Variants in LRP8 observed in about 807,000 individuals in gnomAD.
LRP8 encodes the protein LDL receptor related protein 8.
A neutral mutation model predicts 111.6 loss-of-function variants in LRP8; 46 were observed. That is an observed-to-expected ratio of 0.41 (90% CI 0.33 to 0.53). LRP8 has a LOEUF of 0.53. Among genes scored for constraint, LRP8 ranks in the 20% least tolerant of loss-of-function variants. LRP8 has a pLI of 0.20. For synonymous variants in LRP8, 464 were observed against 511.2 expected (o/e 0.91, Z 1.24); for missense variants, 959 against 1,297.4 (o/e 0.74, Z 4.01).
intron 2 of LRP8, among the ~76,000 whole-genome samples, chr1:53,315,111 CCTT>C (rs1435808323): frequency 6.6e-6 from 1 of 152,186 alleles, no homozygotes; most frequent in Non-Finnish European, 1.5e-5. Context: ...AATGTAATCT[CCTT>C]CTGCACCCCA....
At chr1:53,289,533 C>T in intron 3 of LRP8, 34 bp downstream of exon 3, 1 of 1,568,136 alleles carries the variant, frequency 6.4e-7, no homozygotes, top group Admixed American at 1.8e-5. Flanking sequence ...GAAACTGAGG[C>T]CCACCCCCAC....
chr1:53,267,624 A>C (rs1646622370), intron 8 of LRP8: 1 of 152,376 alleles, frequency 6.6e-6, no homozygotes, highest in Non-Finnish European at 1.5e-5. Flanking sequence ...GACATATATG[A>C]TATACAACAC....
rs776502596 is a variant in LRP8, at chr1:53,249,391, C to T, written c.2842G>A (p.Val948Ile). 19 of 1,613,722 alleles carry T rather than the reference C, an allele frequency of 1.2e-5. No homozygotes were observed. The highest frequency in any genetic ancestry group is 3.3e-5 in the Admixed American group (2 of 59,996). Residue 948 changes from valine to isoleucine, a missense_variant, in exon 18 of 19, where the codon GTC (valine) becomes ATC (isoleucine). Transcript: ENST00000306052. This position sits in a 1 kb window ranked among gnomAD's most constrained non-coding sequence, Gnocchi z 4.1. ...TGGCACTGCCCTACCTTGGATTTGA[C>T]GACAGGCAGCTCGGAAAGAGGGTTC... The part of the protein sequence containing the change: ...PKNPLSELPV[V>I]KSKRVALSLE...
chr1:53,255,841 C>A (rs2100355313), intron 15 of LRP8, among the ~76,000 whole-genome samples: 1 of 152,160 alleles, frequency 6.6e-6, no homozygotes, highest in Admixed American at 6.5e-5. Context: ...ATATTACCTA[C>A]CTCCTAGGGA....
At chr1:53,321,710 G>A (rs1005938370) in intron 2 of LRP8, among the ~76,000 whole-genome samples, 1 of 151,884 alleles carries the variant, frequency 6.6e-6, no homozygotes, top group Non-Finnish European at 1.5e-5. Flanking sequence ...ACCTGGGAGG[G>A]CCCAAGGGAA....
In LRP8 at chr1:53,328,007, G is replaced by A. The variant is rs1414021609; in HGVS notation, c.-95C>T. 11 of 805,048 alleles carry A rather than the reference G, an allele frequency of 1.4e-5. No individual in the cohort carries two copies. The highest frequency in any genetic ancestry group is 1.5e-6 in the Non-Finnish European group (1 of 667,726). 49.9% of individuals were successfully genotyped at this position (805,048 alleles called of 1,614,324 possible). On this transcript the variant is annotated 5_prime_UTR_variant, in exon 1 of 19. An upstream open reading frame in the 5' UTR gains an earlier in-frame stop. Transcript: ENST00000306052. The stretch of plus-strand genomic sequence containing the variant: ...GAGTCCTTGCCGCGGCGCCGGGGTT[G>A]CCGCTGCCCCCGCCGCCGCCGCCGC...
At chr1:53,315,394 C>T (rs1328642623) in intron 2 of LRP8, among the ~76,000 whole-genome samples, 1 of 152,224 alleles carries the variant, frequency 6.6e-6, no homozygotes, top group Non-Finnish European at 1.5e-5. Flanking sequence ...GAATTGAGCA[C>T]TGCGCATGCA....
intron 2 of LRP8, among the ~76,000 whole-genome samples, chr1:53,301,659 AG>A (rs1650902197): frequency 6.6e-6 from 1 of 151,074 alleles, no homozygotes; most frequent in Non-Finnish European, 1.5e-5. Context: ...TGAGCCCGGG[AG>A]GTTGAGGCTG....
At chr1:53,258,206 A>G in intron 14 of LRP8, 113 bp downstream of exon 14, 1 of 1,100,234 alleles carries the variant, frequency 9.1e-7, no homozygotes, top group Non-Finnish European at 1.3e-6. Flanking sequence ...ACAAGTAACC[A>G]GGGAAGATGG....
intron 14 of LRP8, 53 bp from the exon 15 acceptor site, chr1:53,257,517 G>A (rs1479818710): frequency 7.0e-7 from 1 of 1,424,092 alleles, no homozygotes; most frequent in African/African-American, 1.4e-5. Context: ...TGTTGCCTAA[G>A]GTATTGCCTC....
At chr1:53,261,430 C>A (rs1646335789) in intron 12 of LRP8, among the ~76,000 whole-genome samples, 1 of 152,220 alleles carries the variant, frequency 6.6e-6, no homozygotes, top group Non-Finnish European at 1.5e-5. Flanking sequence ...ATGCCCACCA[C>A]AGACCATCAT....
intron 9 of LRP8, among the ~76,000 whole-genome samples, chr1:53,265,388 A>G (rs1646513894): frequency 6.6e-6 from 1 of 151,966 alleles, no homozygotes; most frequent in Admixed American, 6.6e-5. Flanking sequence ...GTTCATCCCC[A>G]TTCCCTTCCC....
chr1:53,258,156 G>A, intron 14 of LRP8, 163 bp downstream of exon 14: 5 of 569,632 alleles, frequency 8.8e-6, no homozygotes, highest in South Asian at 3.0e-5. Flanking sequence ...GGGGGCATGA[G>A]CATTCAAGGA....
intron 10 of LRP8, among the ~76,000 whole-genome samples, chr1:53,263,493 GGA>G (rs1557765489): frequency 1.3e-5 from 2 of 152,224 alleles, no homozygotes; most frequent in East Asian, 3.9e-4. Context: ...CCACACTGAG[GGA>G]GAGAGGGAGT....
chr1:53,324,276 C>A (rs1654868294), intron 2 of LRP8, among the ~76,000 whole-genome samples: 3 of 152,220 alleles, frequency 2.0e-5, no homozygotes, highest in African/African-American at 7.2e-5. Context: ...TCAGTCTGGG[C>A]AGGTGGCCTA....
intron 2 of LRP8, among the ~76,000 whole-genome samples, chr1:53,297,615 C>T (rs892962352): frequency 1.3e-5 from 2 of 152,178 alleles, no homozygotes; most frequent in African/African-American, 2.4e-5. Flanking sequence ...GGGAGACACA[C>T]GAAGGGCTCC....
rs1402452356 is a variant in LRP8, at chr1:53,302,407, T to C, written c.245-12718A>G. 3.3e-5 allele frequency among the ~76,000 whole-genome samples: 5 copies of C among 151,772 alleles called. 1 individual carries two copies. In the East Asian group the frequency reaches 9.7e-4, roughly 30 times the overall value. On this transcript the variant is annotated intron_variant, in intron 2 of 18. Coordinates refer to ENST00000306052, the MANE Select transcript of LRP8 (RefSeq NM_004631.5). ...GCTCACGTTAGACCGGAACCTAACA[T>C]GATGTGGGCTTGGAGACCACCAAGG...
At chr1:53,323,901 T>A (rs1469730326) in intron 2 of LRP8, among the ~76,000 whole-genome samples, 1 of 152,204 alleles carries the variant, frequency 6.6e-6, no homozygotes, top group Non-Finnish European at 1.5e-5. Context: ...AGTTCAGCAG[T>A]CTCCTCCTCC....
In LRP8 at chr1:53,317,331, G is replaced by A. The variant is rs1653937849; in HGVS notation, c.244+9542C>T. 6.6e-6 allele frequency among the ~76,000 whole-genome samples: 1 copy of A among 152,208 alleles called. No individual in the cohort carries two copies. The highest frequency in any genetic ancestry group is 6.5e-5 in the Admixed American group (1 of 15,290). ...TCTGATGTTAGCCTGGACCCACTGG[G>A]GAACCAAGGCCCCACGTGGCTAACT... On this transcript the variant is annotated intron_variant, in intron 2 of 18. Coordinates refer to ENST00000306052, the MANE Select transcript of LRP8 (RefSeq NM_004631.5). This position sits in a 1 kb window ranked among gnomAD's most constrained non-coding sequence, Gnocchi z 4.9.
Sources: allele counts gnomAD v4.1 joint callset (sites outside exome capture counted in the v4.1 genomes callset), GRCh38; gene constraint gnomAD v4.1.1; non-coding constraint Gnocchi (gnomAD v3.1); transcripts MANE v1.5; gene names NCBI Gene and HGNC (gene_info 2026-07-23, HGNC 2026-07-21).